LRRC4C: variants seen among roughly 807,000 people sequenced by gnomAD.
The protein encoded by LRRC4C is leucine-rich repeat-containing protein 4C.
Under a neutral mutation model 33.6 loss-of-function variants are expected in LRRC4C, and 5 were observed. The observed-to-expected ratio is 0.15, with a 90% CI of 0.08 to 0.31. LRRC4C has a LOEUF of 0.31. Among genes scored for constraint, LRRC4C ranks in the 10% least tolerant of loss-of-function variants. LRRC4C has a pLI of 1.00. For synonymous variants in LRRC4C, 329 were observed against 302.0 expected, an observed-to-expected ratio of 1.09 and a Z score of -0.93; for missense variants, 560 against 796.7, an observed-to-expected ratio of 0.70 and a Z score of 3.58.
chr11:40,994,984 G>T (rs1164332270), intron 1 of LRRC4C, among the ~76,000 whole-genome samples: 1 of 152,070 alleles, frequency 6.6e-6, no homozygotes, highest in Non-Finnish European at 1.5e-5. Flanking sequence ...AGCAAAAATG[G>T]CCAGAGGTGA....
intron 2 of LRRC4C, among the ~76,000 whole-genome samples, chr11:40,738,617 C>T (rs1948001855): frequency 1.3e-5 from 2 of 151,922 alleles, no homozygotes; most frequent in African/African-American, 4.8e-5. Flanking sequence ...AGCCAAAAGA[C>T]ATTATTTGGA....
intron 1 of LRRC4C, among the ~76,000 whole-genome samples, chr11:41,396,751 C>T (rs1953834078): frequency 6.6e-6 from 1 of 151,918 alleles, no homozygotes; most frequent in African/African-American, 2.4e-5. Flanking sequence ...TGGAAGACAG[C>T]CTAAGCAATA....
chr11:41,277,048 A>G (rs1949507085), intron 1 of LRRC4C, among the ~76,000 whole-genome samples: 1 of 152,206 alleles, frequency 6.6e-6, no homozygotes, highest in Admixed American at 6.5e-5. Flanking sequence ...GTTAAGAATC[A>G]TGAGAGTAGC....
At chr11:40,265,027 A>G (rs1385035350) in intron 4 of LRRC4C, among the ~76,000 whole-genome samples, 5 of 152,214 alleles carry the variant, frequency 3.3e-5, no homozygotes, top group African/African-American at 1.2e-4. Flanking sequence ...TTTTTGTTCT[A>G]CTGGGAAATC....
intron 2 of LRRC4C, among the ~76,000 whole-genome samples, chr11:40,767,051 C>A (rs977779532): frequency 2.6e-5 from 4 of 150,986 alleles, no homozygotes; most frequent in East Asian, 2.0e-4. Context: ...AAAAAGAAAA[C>A]AAGAATCTAT....
At chr11:41,195,298 G>C (rs1171309908) in intron 1 of LRRC4C, among the ~76,000 whole-genome samples, 1 of 151,894 alleles carries the variant, frequency 6.6e-6, no homozygotes, top group African/African-American at 2.4e-5. Flanking sequence ...CATGAATTCT[G>C]ACTTTACCAA....
chr11:41,315,060 T>A (rs755634764), intron 1 of LRRC4C, among the ~76,000 whole-genome samples: 6 of 152,132 alleles, frequency 3.9e-5, no homozygotes, highest in Non-Finnish European at 8.8e-5. Context: ...CTACAAGTTA[T>A]GAGGAAGGTT....
At chr11:40,335,125 G>A (rs1946540009) in intron 3 of LRRC4C, among the ~76,000 whole-genome samples, 1 of 152,076 alleles carries the variant, frequency 6.6e-6, no homozygotes, top group Non-Finnish European at 1.5e-5. Context: ...TTTATACATT[G>A]TAGTATCTCA....
At chr11:40,923,693 C>T (rs1042580309) in intron 2 of LRRC4C, among the ~76,000 whole-genome samples, 14 of 152,012 alleles carry the variant, frequency 9.2e-5, no homozygotes, top group African/African-American at 3.4e-4. Context: ...TTTATTTGGA[C>T]TCCTAAAAAT....
intron 2 of LRRC4C, among the ~76,000 whole-genome samples, chr11:40,675,337 A>C (rs1944344626): frequency 6.6e-6 from 1 of 152,174 alleles, no homozygotes; most frequent in Non-Finnish European, 1.5e-5. Context: ...TTGATTATAA[A>C]TATTTGATTT....
At position 41,251,794 on chromosome 11, in the gene LRRC4C, T is replaced by G. The variant is rs78756198; in HGVS notation, c.-496+207637A>C. On this transcript the variant is annotated intron_variant, in intron 1 of 6. Transcript: ENST00000528697. ...GAACCACTCTTGTGGCTTTACCATA[T>G]GATGATAAAGGCGGAGCATTTGAAT... 6.7e-3 allele frequency among the ~76,000 whole-genome samples: 1,025 copies of G among 152,316 alleles called. 13 individuals carry two copies. The highest frequency in any genetic ancestry group is 0.023 in the African/African-American group (970 of 41,566).
chr11:40,805,137 G>T (rs943104964), intron 2 of LRRC4C, among the ~76,000 whole-genome samples: 1 of 152,128 alleles, frequency 6.6e-6, no homozygotes, highest in African/African-American at 2.4e-5. Context: ...CCATTACTAT[G>T]TCCCAGAAAT....
intron 5 of LRRC4C, among the ~76,000 whole-genome samples, chr11:40,216,179 C>T (rs1477184187): frequency 6.6e-6 from 1 of 152,076 alleles, no homozygotes; most frequent in Non-Finnish European, 1.5e-5. Flanking sequence ...GAGTGTTGCT[C>T]TCATCACTCA....
intron 2 of LRRC4C, among the ~76,000 whole-genome samples, chr11:40,746,712 G>T (rs1374938516): frequency 6.6e-6 from 1 of 152,136 alleles, no homozygotes; most frequent in Non-Finnish European, 1.5e-5. Flanking sequence ...CCTGGGGATT[G>T]CTCTGCCCAG....
chr11:41,166,515 G>A (rs936038056), intron 1 of LRRC4C, among the ~76,000 whole-genome samples: 6 of 152,074 alleles, frequency 3.9e-5, no homozygotes, highest in Admixed American at 1.3e-4. Flanking sequence ...AATAAAGATC[G>A]GGTTTTTATT....
intron 2 of LRRC4C, among the ~76,000 whole-genome samples, chr11:40,796,699 T>G (rs1289608175): frequency 7.1e-6 from 1 of 140,718 alleles, no homozygotes; most frequent in Non-Finnish European, 1.5e-5. Context: ...CAGGCTGGAG[T>G]GCAATGGTGC....
chr11:40,865,223 TA>T (rs1377611833), intron 2 of LRRC4C, among the ~76,000 whole-genome samples: 2 of 152,040 alleles, frequency 1.3e-5, no homozygotes, highest in African/African-American at 4.8e-5. Context: ...ATGTGCAAAC[TA>T]AAAAAGTTCA....
chr11:41,174,119 A>G (rs1299099674), intron 1 of LRRC4C, among the ~76,000 whole-genome samples: 1 of 151,404 alleles, frequency 6.6e-6, no homozygotes, highest in African/African-American at 2.4e-5. Context: ...TAGGCACAGG[A>G]AAAAAAAATA....
intron 1 of LRRC4C, among the ~76,000 whole-genome samples, chr11:41,436,572 C>T (rs767771898): frequency 6.6e-6 from 1 of 152,170 alleles, no homozygotes; most frequent in Non-Finnish European, 1.5e-5. Flanking sequence ...ACCAGAGAAC[C>T]TTTTATAGAA....
Sources: gnomAD v4.1 joint callset for allele counts (sites outside exome capture counted in the v4.1 genomes callset) on GRCh38, gnomAD v4.1.1 for gene constraint, MANE v1.5 for transcripts, NCBI Gene and HGNC (gene_info 2026-07-23, HGNC 2026-07-21) for gene names.